AGAP1: variants seen among roughly 807,000 people sequenced by gnomAD.
AGAP1 encodes arf-GAP with GTPase, ANK repeat and PH domain-containing protein 1.
Under a neutral mutation model 105.3 loss-of-function variants are expected in AGAP1, and 29 were observed. That is an observed-to-expected ratio of 0.28 (90% confidence interval 0.21 to 0.38). AGAP1 has a LOEUF of 0.38. Ranked by LOEUF, AGAP1 falls within the 10% of genes least tolerant of loss-of-function variation. The pLI is 1.00. For synonymous variants in AGAP1, 509 were observed against 485.9 expected (o/e 1.05, Z -0.63); for missense variants, 998 against 1,165.1 (o/e 0.86, Z 2.09).
At chr2:235,524,429 C>A in intron 1 of AGAP1, 2 of 244,790 alleles carry the variant, frequency 8.2e-6, no homozygotes, top group Non-Finnish European at 1.8e-5. Context: ...ACAGTGGGGG[C>A]AAGTTTAGAG....
chr2:235,930,855 C>T lies in AGAP1; in HGVS notation c.1415C>T (p.Ser472Phe). The change falls in exon 12 of 18, where the codon TCC becomes TTC. Residue 472 changes from serine to phenylalanine, a missense_variant. Transcript: ENST00000304032. This position sits in a 1 kb window ranked among gnomAD's most constrained non-coding sequence, Gnocchi z 7.9. ...CGACCCGACGGCATGCACCAGCGCTCCTACTCAGTCTCCAGTGCCGACCAG... is the reference window on the plus strand; with the variant it reads ...CGACCCGACGGCATGCACCAGCGCTTCTACTCAGTCTCCAGTGCCGACCAG... ...NSRPDGMHQR[S>F]YSVSSADQWS... 6.2e-7 allele frequency: 1 copy of T among 1,614,158 alleles called. No homozygotes were observed. The highest frequency in any genetic ancestry group is 1.1e-5 in the South Asian group (1 of 91,084).
intron 1 of AGAP1, chr2:235,670,996 G>T: frequency 7.6e-7 from 1 of 1,322,940 alleles, no homozygotes; most frequent in Non-Finnish European, 9.6e-7. Flanking sequence ...TCAGCCTGCG[G>T]CGGGCCCCGG....
At chr2:235,585,538 G>T (rs1945080423) in intron 1 of AGAP1, among the ~76,000 whole-genome samples, 1 of 152,144 alleles carries the variant, frequency 6.6e-6, no homozygotes, top group Non-Finnish European at 1.5e-5. Flanking sequence ...CATCTCTGGG[G>T]GCCACTGTTC....
rs1288646935 is a variant in AGAP1 at position 235,609,165 on chromosome 2, G to A, written c.164-100014G>A. On this transcript the variant is annotated intron_variant, in intron 1 of 17. Coordinates refer to ENST00000304032, the MANE Select transcript of AGAP1 (RefSeq NM_001037131.3). This position sits in a 1 kb window ranked among gnomAD's most constrained non-coding sequence, Gnocchi z 5.1. The stretch of plus-strand genomic sequence containing the variant: ...GGCAGTTTTCTTTCTTGATGGTGGG[G>A]AGGGTTTGTGACCAGGTCCTAGTGA... Among the ~76,000 whole-genome samples, 6 of 152,126 alleles carry A rather than the reference G, an allele frequency of 3.9e-5. No homozygotes were observed. The highest frequency in any genetic ancestry group is 1.4e-4 in the African/African-American group (6 of 41,414).
chr2:235,521,710 G>A (rs1428112766), intron 1 of AGAP1, among the ~76,000 whole-genome samples: 1 of 149,038 alleles, frequency 6.7e-6, no homozygotes, highest in African/African-American at 2.5e-5. Context: ...CGTTGGGATC[G>A]ATCCAGTTTC....
Position 235,549,912 on chromosome 2 carries a change from G to T in AGAP1, c.163+55063G>T, listed in dbSNP as rs868443898. Among the ~76,000 whole-genome samples the T allele has an allele frequency of 4.6e-5, 7 of 152,176 alleles. No homozygotes were observed. Among genetic ancestry groups the T allele is most frequent in the African/African-American group, 1.7e-4 (7 of 41,444 alleles). ...AGGTGGAGGGTGATGAGAGGCTGGG[G>T]ACGTTTTCGGATGACCACAGGTGTG... is the stretch of plus-strand genomic sequence containing the variant. On this transcript the variant is annotated intron_variant, in intron 1 of 17. Coordinates refer to ENST00000304032, the MANE Select transcript of AGAP1 (RefSeq NM_001037131.3). The surrounding 1 kb of genome is among the most constrained non-coding windows in gnomAD (Gnocchi z 4.2).
intron 1 of AGAP1, among the ~76,000 whole-genome samples, chr2:235,624,975 C>T (rs1946593400): frequency 1.3e-5 from 2 of 152,178 alleles, no homozygotes; most frequent in African/African-American, 2.4e-5. Flanking sequence ...TGGAAGCTTC[C>T]TGAGGCCTCA....
At chr2:235,524,263 G>A (rs543396762) in intron 1 of AGAP1, 1 of 161,258 alleles carries the variant, frequency 6.2e-6, no homozygotes, top group East Asian at 1.9e-4. Context: ...TCACGCCAGA[G>A]TGAGGCTGGG....
At chr2:236,106,048 T>C (rs930868208) in intron 16 of AGAP1, among the ~76,000 whole-genome samples, 5 of 152,232 alleles carry the variant, frequency 3.3e-5, no homozygotes, top group Non-Finnish European at 5.9e-5. Context: ...CACACACCAG[T>C]GCTCCTGTTG....
rs1198230874 is a variant in AGAP1 at position 235,866,051 on chromosome 2, A to AT, written c.1051-17287dup. Among the ~76,000 whole-genome samples, 3 of 151,998 alleles carry AT rather than the reference A, an allele frequency of 2.0e-5. No individual in the cohort carries two copies. The highest frequency in any genetic ancestry group is 7.3e-5 in the African/African-American group (3 of 41,372). The stretch of plus-strand genomic sequence containing the variant: ...GGTCTGGTCATTTTTGCCACACTTG[A>AT]TTTTTTTCTGCTAAACCCTACGTCT... On this transcript the variant is annotated intron_variant, in intron 9 of 17. Coordinates refer to ENST00000304032, the MANE Select transcript of AGAP1 (RefSeq NM_001037131.3). This position sits in a 1 kb window ranked among gnomAD's most constrained non-coding sequence, Gnocchi z 6.1.
rs1050676158 is a variant in AGAP1, at chr2:235,964,230, C to T, written c.1484-4232C>T. Among the ~76,000 whole-genome samples the T allele has an allele frequency of 1.3e-5, 2 of 151,938 alleles. No homozygotes were observed. Among genetic ancestry groups the T allele is most frequent in the South Asian group, 2.1e-4 (1 of 4,806 alleles). ...ACAGTTGGGGATGAACATGGCCTGT[C>T]GAAATGAGAGGACACCCAAGGGACA... On this transcript the variant is annotated intron_variant, in intron 12 of 17. Coordinates refer to ENST00000304032, the MANE Select transcript of AGAP1 (RefSeq NM_001037131.3). The surrounding 1 kb of genome is among the most constrained non-coding windows in gnomAD (Gnocchi z 4.6).
At position 235,725,915 on chromosome 2, in the gene AGAP1, A is replaced by G. The variant is rs571403589; in HGVS notation, c.310+8271A>G. 5.9e-5 allele frequency among the ~76,000 whole-genome samples: 9 copies of G among 152,236 alleles called. No individual in the cohort carries two copies. The highest frequency in any genetic ancestry group is 1.2e-4 in the Non-Finnish European group (8 of 68,044). On this transcript the variant is annotated intron_variant, in intron 3 of 17. Transcript: ENST00000304032. The surrounding 1 kb of genome is among the most constrained non-coding windows in gnomAD (Gnocchi z 5.7). Reference sequence around the variant, plus strand: ...ATTATTAGATGTTCAAAAAAATAATAAAAGGGAAGCATGTTCTGTTTCATT... The same window carrying G: ...ATTATTAGATGTTCAAAAAAATAATGAAAGGGAAGCATGTTCTGTTTCATT...
At position 235,603,797 on chromosome 2, in the gene AGAP1, T is replaced by C. The variant is rs149080313; in HGVS notation, c.164-105382T>C. 1.6e-3 allele frequency among the ~76,000 whole-genome samples: 242 copies of C among 152,330 alleles called. 1 individual carries two copies. Among genetic ancestry groups the C allele is most frequent in the Admixed American group, 3.9e-3 (59 of 15,304 alleles). Reference sequence around the variant, plus strand: ...CTGTGAAGTCCTGCTTGTAAGTGTTTCGGTTATGCAACATTTCATGGGGAA... The same window carrying C: ...CTGTGAAGTCCTGCTTGTAAGTGTTCCGGTTATGCAACATTTCATGGGGAA... On this transcript the variant is annotated intron_variant, in intron 1 of 17. Coordinates refer to ENST00000304032, the MANE Select transcript of AGAP1 (RefSeq NM_001037131.3).
intron 9 of AGAP1, among the ~76,000 whole-genome samples, chr2:235,815,888 A>G (rs1047839854): frequency 1.3e-5 from 2 of 152,182 alleles, no homozygotes; most frequent in Admixed American, 6.5e-5. Flanking sequence ...GAGGCCTTTC[A>G]GTCCCGTCCA....
chr2:235,589,983 C>T (rs969468306), intron 1 of AGAP1, among the ~76,000 whole-genome samples: 21 of 151,794 alleles, frequency 1.4e-4, no homozygotes, highest in Non-Finnish European at 4.4e-5. Context: ...CGGGTTCAAG[C>T]GATTCTCCTG....
At chr2:235,651,175 A>C (rs1947573475) in intron 1 of AGAP1, among the ~76,000 whole-genome samples, 2 of 128,704 alleles carry the variant, frequency 1.6e-5, no homozygotes, top group African/African-American at 3.1e-5. Context: ...ACAGAGTGAA[A>C]CTCCATCTCA....
chr2:235,830,850 A>C lies in AGAP1; in HGVS notation c.1050+23519A>C, dbSNP rs906553828. On this transcript the variant is annotated intron_variant, in intron 9 of 17. Coordinates refer to ENST00000304032, the MANE Select transcript of AGAP1 (RefSeq NM_001037131.3). The surrounding 1 kb of genome is among the most constrained non-coding windows in gnomAD (Gnocchi z 5.5). ...AGGTCCACCTGTCGGTAGGCCCAGT[A>C]GTCAACTCCTAACTAATAGAGTAGT... Among the ~76,000 whole-genome samples the C allele has an allele frequency of 6.6e-6, 1 of 152,324 alleles. No individual in the cohort carries two copies. The highest frequency in any genetic ancestry group is 2.4e-5 in the African/African-American group (1 of 41,564).
chr2:235,827,480 C>T (rs1460535672), intron 9 of AGAP1, among the ~76,000 whole-genome samples: 1 of 152,144 alleles, frequency 6.6e-6, no homozygotes, highest in African/African-American at 2.4e-5. Context: ...TCTACTAATA[C>T]TTGTACTAAT....
chr2:235,660,740 A>T lies in AGAP1; in HGVS notation c.164-48439A>T, dbSNP rs1011823090. 1.3e-5 allele frequency among the ~76,000 whole-genome samples: 2 copies of T among 152,196 alleles called. No homozygotes were observed. Among genetic ancestry groups the T allele is most frequent in the African/African-American group, 4.8e-5 (2 of 41,446 alleles). ...TAGATGGGGAATCTTGGGATGCAATAGAAACAACCTCTGTTGGTTTTCAGC... is the reference window on the plus strand; with the variant it reads ...TAGATGGGGAATCTTGGGATGCAATTGAAACAACCTCTGTTGGTTTTCAGC... On this transcript the variant is annotated intron_variant, in intron 1 of 17. Transcript: ENST00000304032. The surrounding 1 kb of genome is among the most constrained non-coding windows in gnomAD (Gnocchi z 5.3).
Sources: allele counts gnomAD v4.1 joint callset (sites outside exome capture counted in the v4.1 genomes callset), GRCh38; gene constraint gnomAD v4.1.1; non-coding constraint Gnocchi (gnomAD v3.1); transcripts MANE v1.5; gene names NCBI Gene and HGNC (gene_info 2026-07-23, HGNC 2026-07-21).